EXOC4: variants seen among roughly 807,000 people sequenced by gnomAD.
EXOC4 encodes exocyst complex component 4, also known as SEC8-like 1.
Under a neutral mutation model 107.2 loss-of-function variants are expected in EXOC4, and 71 were observed. That is an observed-to-expected ratio of 0.66 (90% confidence interval 0.55 to 0.81). The LOEUF (loss-of-function observed/expected upper bound fraction) is 0.81, where lower values mean the gene tolerates loss of function less well. EXOC4 is among the 30% of genes least tolerant of loss of function. The pLI is 0.00. For synonymous variants in EXOC4, 456 were observed against 441.2 expected (o/e 1.03, Z -0.42); for missense variants, 1,108 against 1,189.6 (o/e 0.93, Z 1.01).
intron 17 of EXOC4, among the ~76,000 whole-genome samples, chr7:134,038,202 G>T (rs1326870693): frequency 1.3e-5 from 2 of 152,204 alleles, no homozygotes; most frequent in Non-Finnish European, 2.9e-5. Flanking sequence ...TCATTCAACT[G>T]AGAGGCATCT....
At chr7:134,005,388 A>G (rs1246268806) in intron 16 of EXOC4, among the ~76,000 whole-genome samples, 1 of 152,180 alleles carries the variant, frequency 6.6e-6, no homozygotes, top group Non-Finnish European at 1.5e-5. Context: ...AATTAACTCA[A>G]GAGGAGCTTA....
chr7:133,971,820 G>A (rs537339788), intron 14 of EXOC4, among the ~76,000 whole-genome samples: 1 of 152,300 alleles, frequency 6.6e-6, no homozygotes, highest in South Asian at 2.1e-4. Context: ...AGTCTGCACT[G>A]TCTCTCCATC....
intron 9 of EXOC4, among the ~76,000 whole-genome samples, chr7:133,558,241 C>CTTTTCTTTTCTTTTCTTTTCTTTTA (rs1800740405): frequency 1.4e-5 from 2 of 144,046 alleles, no homozygotes; most frequent in Non-Finnish European, 3.0e-5. Flanking sequence ...CTTTTCTTTT[C>CTTTTCTTTTCTTTTCTTTTCTTTTA]TTTTCTTTTC....
At chr7:133,304,412 G>A (rs548593713) in intron 3 of EXOC4, among the ~76,000 whole-genome samples, 4 of 152,330 alleles carry the variant, frequency 2.6e-5, no homozygotes, top group Non-Finnish European at 5.9e-5. Flanking sequence ...GCAAGTCAGC[G>A]TGAAAATGAA....
At chr7:134,048,878 AAAT>A (rs1795719179) in intron 17 of EXOC4, among the ~76,000 whole-genome samples, 1 of 152,128 alleles carries the variant, frequency 6.6e-6, no homozygotes, top group African/African-American at 2.4e-5. Flanking sequence ...TAGAAAAAAA[AAAT>A]AGCCAAGTTG....
intron 7 of EXOC4, among the ~76,000 whole-genome samples, chr7:133,435,473 G>A (rs1797949648): frequency 6.6e-6 from 1 of 152,164 alleles, no homozygotes; most frequent in Non-Finnish European, 1.5e-5. Flanking sequence ...TTAGAATTGT[G>A]TGTAGAATAA....
At chr7:133,875,601 A>G (rs950040524) in intron 11 of EXOC4, among the ~76,000 whole-genome samples, 9 of 152,172 alleles carry the variant, frequency 5.9e-5, no homozygotes, top group African/African-American at 2.2e-4. Flanking sequence ...GATGATCAGG[A>G]GGGTCCAGTC....
chr7:133,917,117 C>T (rs531800354), intron 12 of EXOC4, among the ~76,000 whole-genome samples: 1 of 152,270 alleles, frequency 6.6e-6, no homozygotes, highest in Admixed American at 6.5e-5. Context: ...ATGATTCAAG[C>T]AATACCCTCA....
chr7:133,331,129 C>T (rs987991792), intron 5 of EXOC4, among the ~76,000 whole-genome samples: 1 of 152,090 alleles, frequency 6.6e-6, no homozygotes, highest in Non-Finnish European at 1.5e-5. Context: ...AGTCAAGGCA[C>T]AGGTTGGCAA....
At chr7:133,439,163 A>AAATG in intron 7 of EXOC4, among the ~76,000 whole-genome samples, 1 of 145,986 alleles carries the variant, frequency 6.8e-6, no homozygotes, top group East Asian at 2.0e-4. Context: ...TAAAGGAAAT[A>AAATG]TACCATATTT....
At chr7:134,016,952 T>C (rs2116397816) in intron 17 of EXOC4, among the ~76,000 whole-genome samples, 2 of 152,276 alleles carry the variant, frequency 1.3e-5, no homozygotes, top group African/African-American at 4.8e-5. Flanking sequence ...CAAGAGTGGG[T>C]ATTGCCCCTG....
chr7:133,548,425 A>T (rs891462142), intron 9 of EXOC4, among the ~76,000 whole-genome samples: 2 of 152,192 alleles, frequency 1.3e-5, no homozygotes, highest in African/African-American at 2.4e-5. Flanking sequence ...CTGTCCTTTG[A>T]AGCTTTGAAG....
At chr7:133,697,026 A>G (rs775889920) in intron 10 of EXOC4, among the ~76,000 whole-genome samples, 1 of 152,186 alleles carries the variant, frequency 6.6e-6, no homozygotes, top group Non-Finnish European at 1.5e-5. Context: ...GCATCATGTT[A>G]CTTAGGGAAC....
In EXOC4 at chr7:133,278,974, C is replaced by A. The variant is rs572943203; in HGVS notation, c.276+3803C>A. ...CCTAATGCTATCCCTCCCCACTCCC[C>A]CCACCCCACAACAGTCCCCAGTGTG... On this transcript the variant is annotated intron_variant, in intron 2 of 17. Coordinates refer to ENST00000253861, the MANE Select transcript of EXOC4 (RefSeq NM_021807.4). Among the ~76,000 whole-genome samples, 3 of 151,948 alleles carry A rather than the reference C, an allele frequency of 2.0e-5. No homozygotes were observed. The East Asian group carries it at 5.8e-4, about 30-fold the overall frequency.
At chr7:134,067,860 G>C (rs1796208365), downstream of EXOC4, among the ~76,000 whole-genome samples, 1 of 151,966 alleles carries the variant, frequency 6.6e-6, no homozygotes, top group Admixed American at 6.6e-5. Flanking sequence ...GTTCTTTCAG[G>C]GTCTCTCATC....
intron 7 of EXOC4, among the ~76,000 whole-genome samples, chr7:133,465,266 G>A (rs1798700132): frequency 1.3e-5 from 2 of 152,144 alleles, no homozygotes; most frequent in Non-Finnish European, 2.9e-5. Context: ...GCTATAGTTA[G>A]GAATATACTT....
intron 11 of EXOC4, among the ~76,000 whole-genome samples, chr7:133,874,182 G>A (rs2116409541): frequency 6.6e-6 from 1 of 152,208 alleles, no homozygotes; most frequent in Non-Finnish European, 1.5e-5. Context: ...GAAAAGGAGA[G>A]CAACTTGTTC....
At chr7:133,393,201 C>T (rs1149550) in intron 7 of EXOC4, among the ~76,000 whole-genome samples, 72,112 of 151,894 alleles carry the variant, frequency 0.47, 17,645 homozygotes, top group East Asian at 0.59. Flanking sequence ...GTTTTTACCA[C>T]TCATTTGACA....
chr7:133,973,128 C>CAGGG lies in EXOC4; in HGVS notation c.2207-24362_2207-24359dup, dbSNP rs1247118380. On this transcript the variant is annotated intron_variant, in intron 14 of 17. Transcript: ENST00000253861. ...CAGTACCAGCTCTGTCCCTAGGCTACAGGGACATGGATAAACAAGACCCAG... is the reference window on the plus strand; with the variant it reads ...CAGTACCAGCTCTGTCCCTAGGCTACAGGGAGGGACATGGATAAACAAGACCCAG... Among the ~76,000 whole-genome samples the CAGGG allele has an allele frequency of 3.3e-5, 5 of 152,282 alleles. No homozygotes were observed. The East Asian group carries it at 9.6e-4, about 29-fold the overall frequency.
Sources: allele counts gnomAD v4.1 joint callset (sites outside exome capture counted in the v4.1 genomes callset), GRCh38; gene constraint gnomAD v4.1.1; transcripts MANE v1.5; gene names NCBI Gene and HGNC (gene_info 2026-07-23, HGNC 2026-07-21).